The following ATF2 variants were observed in gnomAD, a reference collection of about 807,000 sequenced individuals.
ATF2 encodes activating transcription factor 2.
ATF2 carries 24 observed loss-of-function variants against 60.6 expected under a neutral mutation model. The observed-to-expected ratio is 0.40, with a 90% CI of 0.29 to 0.56. The LOEUF (loss-of-function observed/expected upper bound fraction) is 0.56. Ranked by LOEUF, ATF2 falls within the 20% of genes least tolerant of loss-of-function variation. The pLI, the probability that ATF2 is intolerant of heterozygous loss-of-function variation, is 0.54. For missense variants in ATF2, 433 were observed against 607.7 expected (o/e 0.71, Z 3.02); for synonymous variants, 206 against 215.4 (o/e 0.96, Z 0.38).
At chr2:175,077,885 G>C (rs988053007) in intron 13 of ATF2, among the ~76,000 whole-genome samples, 9 of 152,112 alleles carry the variant, frequency 5.9e-5, no homozygotes, top group Admixed American at 5.2e-4. Flanking sequence ...TGTACTCAAA[G>C]AGCCACTTCC....
rs1693107030 is a variant in ATF2 at position 175,073,938 on chromosome 2, A to C, written c.*671T>G. The C allele has an allele frequency of 6.6e-6, 1 of 152,158 alleles. No homozygotes were observed. The highest frequency in any genetic ancestry group is 1.5e-5 in the Non-Finnish European group (1 of 68,016). The allele number at this position is 152,158 out of a possible 1,614,324, so 9.4% of individuals were successfully genotyped here. On this transcript the variant is annotated 3_prime_UTR_variant, in exon 14 of 14. Coordinates refer to ENST00000264110, the MANE Select transcript of ATF2 (RefSeq NM_001880.4). ...ATTTTTGAAATGCTGAAAATTCTAA[A>C]ATTTGTTTACTTAAAATCTTAAATA...
chr2:175,075,091 A>G, intron 13 of ATF2: 2 of 1,297,838 alleles, frequency 1.5e-6, no homozygotes, highest in South Asian at 3.1e-5. Context: ...ATATTTGCTA[A>G]ATAGTGTTAA....
At chr2:175,098,688 TG>T (rs546482309) in intron 10 of ATF2, among the ~76,000 whole-genome samples, 43 of 152,268 alleles carry the variant, frequency 2.8e-4, no homozygotes, top group Admixed American at 2.5e-3. Flanking sequence ...CTTCCTTCCC[TG>T]AGTACAGCAG....
intron 2 of ATF2, among the ~76,000 whole-genome samples, chr2:175,147,688 T>C (rs1381831292): frequency 6.6e-6 from 1 of 152,194 alleles, no homozygotes; most frequent in Non-Finnish European, 1.5e-5. Flanking sequence ...ATGGTTTTTA[T>C]GAAAATACAT....
intron 10 of ATF2, among the ~76,000 whole-genome samples, chr2:175,099,044 G>C (rs1476423173): frequency 6.6e-6 from 1 of 150,538 alleles, no homozygotes; most frequent in Non-Finnish European, 1.5e-5. Flanking sequence ...GTTTTTTCTT[G>C]AGATATAAGT....
chr2:175,073,688 T>C lies in ATF2; in HGVS notation c.*921A>G, dbSNP rs1327809913. On this transcript the variant is annotated 3_prime_UTR_variant, in exon 14 of 14. Coordinates refer to ENST00000264110, the MANE Select transcript of ATF2 (RefSeq NM_001880.4). ...AAACAGTCTTAAATTTTCTAAGTAG[T>C]AATTTTAGGCTTTTCTGGCAACCAT... is the stretch of plus-strand genomic sequence containing the variant. The C allele has an allele frequency of 1.3e-5, 2 of 152,152 alleles. No individual in the cohort carries two copies. Among genetic ancestry groups the C allele is most frequent in the African/African-American group, 4.8e-5 (2 of 41,446 alleles). 9.4% of individuals were successfully genotyped at this position (152,152 alleles called of 1,614,324 possible).
chr2:175,093,182 C>T lies in ATF2; in HGVS notation c.1064G>A (p.Arg355Lys). 1.2e-6 allele frequency: 2 copies of T among 1,614,114 alleles called. No individual in the cohort carries two copies. Among genetic ancestry groups the T allele is most frequent in the Non-Finnish European group, 8.5e-7 (1 of 1,180,010 alleles). The change falls in exon 12 of 14, where the codon AGG becomes AAG. Residue 355 changes from arginine (R) to lysine (K), a missense_variant. Around this residue, in one of 5 missense-constraint regions of ATF2, gnomAD observed 24 missense variants for 75.4 expected, o/e 0.32. Transcript: ENST00000264110. ...RAANEDPDEK[R>K]RKFLERNRAA... is the part of the protein sequence containing the mutation. The stretch of plus-strand genomic sequence containing the variant: ...TCTATTTCGCTCTAAAAACTTTCTC[C>T]TTTTTTCATCAGGATCTTCGTTAGC...
At chr2:175,166,503 T>C (rs1166692525) in intron 1 of ATF2, among the ~76,000 whole-genome samples, 1 of 152,204 alleles carries the variant, frequency 6.6e-6, no homozygotes, top group Admixed American at 6.5e-5. Flanking sequence ...TTTACAAGGA[T>C]GTTCCTAACA....
chr2:175,075,176 A>C, intron 13 of ATF2: 1 of 829,938 alleles, frequency 1.2e-6, no homozygotes. Context: ...ACATTTAACA[A>C]ACTCAGTCTG....
At chr2:175,148,670 T>C (rs780979071) in intron 2 of ATF2, among the ~76,000 whole-genome samples, 1 of 152,192 alleles carries the variant, frequency 6.6e-6, no homozygotes, top group Non-Finnish European at 1.5e-5. Flanking sequence ...ACAGACTCTT[T>C]AAGTCTGGTA....
chr2:175,120,000 A>G (rs560767763), intron 5 of ATF2, among the ~76,000 whole-genome samples: 1 of 151,848 alleles, frequency 6.6e-6, no homozygotes, highest in African/African-American at 2.4e-5. Flanking sequence ...TTATTTGCAT[A>G]GTAATGTTAA....
chr2:175,122,332 T>C (rs951746471), intron 4 of ATF2, among the ~76,000 whole-genome samples: 2 of 152,030 alleles, frequency 1.3e-5, no homozygotes, highest in Admixed American at 6.6e-5. Flanking sequence ...TTGAAGATGC[T>C]CATTAAGCAA....
chr2:175,111,323 CCAGA>C (rs772367190), intron 10 of ATF2, among the ~76,000 whole-genome samples: 17 of 152,102 alleles, frequency 1.1e-4, no homozygotes, highest in Non-Finnish European at 1.9e-4. Context: ...CAAGAAAAAG[CCAGA>C]CAAACAACAA....
intron 13 of ATF2, among the ~76,000 whole-genome samples, chr2:175,079,366 T>C (rs760264252): frequency 3.3e-5 from 5 of 152,168 alleles, no homozygotes; most frequent in Non-Finnish European, 5.9e-5. Flanking sequence ...AAATCACGTA[T>C]GCATAAATGC....
chr2:175,156,258 C>T (rs1407346546), intron 1 of ATF2, among the ~76,000 whole-genome samples: 3 of 151,554 alleles, frequency 2.0e-5, no homozygotes, highest in Non-Finnish European at 4.4e-5. Flanking sequence ...GTAATCCCAG[C>T]TACTCGGGAG....
At chr2:175,148,646 G>GT (rs1559115912) in intron 2 of ATF2, among the ~76,000 whole-genome samples, 1 of 152,122 alleles carries the variant, frequency 6.6e-6, no homozygotes, top group African/African-American at 2.4e-5. Context: ...CACAGAGACC[G>GT]TAAGATTGAT....
chr2:175,132,453 T>G lies in ATF2; in HGVS notation c.33-2246A>C, dbSNP rs549538930. ...TCTATTCAGATACTATTTTTTTCTC[T>G]TATTGTTTTAATGTGGTATATCACA... On this transcript the variant is annotated intron_variant, in intron 3 of 13. Coordinates refer to ENST00000264110, the MANE Select transcript of ATF2 (RefSeq NM_001880.4). Among the ~76,000 whole-genome samples, 10 of 152,330 alleles carry G rather than the reference T, an allele frequency of 6.6e-5. No individual in the cohort carries two copies. The South Asian group carries it at 2.1e-3, about 32-fold the overall frequency.
At chr2:175,121,068 C>T (rs1001508217) in intron 5 of ATF2, among the ~76,000 whole-genome samples, 2 of 151,740 alleles carry the variant, frequency 1.3e-5, no homozygotes, top group African/African-American at 4.8e-5. Context: ...ATGGGAGAAG[C>T]TTGATCATTT....
At chr2:175,094,647 T>A (rs1288543616) in intron 11 of ATF2, among the ~76,000 whole-genome samples, 1 of 152,182 alleles carries the variant, frequency 6.6e-6, no homozygotes, top group Non-Finnish European at 1.5e-5. Context: ...TACCAAACTA[T>A]TTTTCACTCT....
Sources: gnomAD v4.1 joint callset for allele counts (sites outside exome capture counted in the v4.1 genomes callset) on GRCh38, gnomAD v4.1.1 for gene constraint, gnomAD v4.1.1 regional missense constraint, MANE v1.5 for transcripts, NCBI Gene and HGNC (gene_info 2026-07-23, HGNC 2026-07-21) for gene names.